PLEKHG4B: variants seen among roughly 807,000 people sequenced by gnomAD.
The protein encoded by PLEKHG4B is pleckstrin homology domain-containing family G member 4B.
In PLEKHG4B, 111 loss-of-function variants were observed where a neutral mutation model predicts 121.3. The observed-to-expected ratio is 0.92, with a 90% confidence interval of 0.78 to 1.07. The LOEUF (loss-of-function observed/expected upper bound fraction) is 1.07. PLEKHG4B is among the 50% of genes least tolerant of loss of function. PLEKHG4B has a pLI of 0.00. For missense variants in PLEKHG4B, 1,831 were observed against 1,757.8 expected, an observed-to-expected ratio of 1.04 and a Z score of -0.74; for synonymous variants, 738 against 725.0, an observed-to-expected ratio of 1.02 and a Z score of -0.29.
chr5:147,715 G>A (rs1437986229), intron 6 of PLEKHG4B, among the ~76,000 whole-genome samples: 1 of 152,138 alleles, frequency 6.6e-6, no homozygotes, highest in African/African-American at 2.4e-5. Flanking sequence ...AATTCATGTA[G>A]GAAATGCATC....
intron 1 of PLEKHG4B, among the ~76,000 whole-genome samples, chr5:106,896 A>G (rs1733989934): frequency 6.6e-6 from 1 of 152,128 alleles, no homozygotes; most frequent in Non-Finnish European, 1.5e-5. Context: ...GTTCTCGTGT[A>G]TGTACGTGTG....
intron 2 of PLEKHG4B, among the ~76,000 whole-genome samples, chr5:126,308 C>T (rs1355955337): frequency 6.6e-6 from 1 of 152,126 alleles, no homozygotes; most frequent in African/African-American, 2.4e-5. Flanking sequence ...CACCTTTGAA[C>T]CCCTTTAGTG....
intron 1 of PLEKHG4B, among the ~76,000 whole-genome samples, chr5:109,537 G>A (rs1734076497): frequency 6.6e-6 from 1 of 152,290 alleles, no homozygotes; most frequent in South Asian, 2.1e-4. Flanking sequence ...GTGCCAGAGG[G>A]ACACGCTAAC....
rs1189507806 is a variant in PLEKHG4B, at chr5:113,800, A to G, written c.243+352A>G. Among the ~76,000 whole-genome samples the G allele has an allele frequency of 6.6e-6, 1 of 152,046 alleles. No homozygotes were observed. Among genetic ancestry groups the G allele is most frequent in the Non-Finnish European group, 1.5e-5 (1 of 68,016 alleles). On this transcript the variant is annotated intron_variant, in intron 2 of 19. Coordinates refer to ENST00000637938, the MANE Select transcript of PLEKHG4B (RefSeq NM_052909.5). The surrounding 1 kb of genome is among the most constrained non-coding windows in gnomAD (Gnocchi z 5.2). The stretch of plus-strand genomic sequence containing the variant: ...CCACCTGGAAGGGACTGTACTGAGC[A>G]CTTCAGAGCTAAGTTACTGCAGCAG...
intron 1 of PLEKHG4B, among the ~76,000 whole-genome samples, chr5:98,390 T>C (rs1733689061): frequency 6.6e-6 from 1 of 150,562 alleles, no homozygotes; most frequent in African/African-American, 2.5e-5. Flanking sequence ...TCAATGTCAA[T>C]TCTTCTTTTG....
chr5:171,508 G>A, intron 16 of PLEKHG4B, 64 bp downstream of exon 16: 1 of 1,426,048 alleles, frequency 7.0e-7, no homozygotes, highest in Non-Finnish European at 9.5e-7. Flanking sequence ...TGGTGAGAAA[G>A]TCTTGGCCCC....
chr5:144,554 G>T (rs186131883), intron 5 of PLEKHG4B, among the ~76,000 whole-genome samples: 15 of 152,318 alleles, frequency 9.8e-5, no homozygotes, highest in African/African-American at 3.6e-4. Context: ...CCATCCAGGA[G>T]CATTGGTGGG....
intron 13 of PLEKHG4B, among the ~76,000 whole-genome samples, chr5:165,088 G>A (rs1184124345): frequency 2.0e-4 from 22 of 108,256 alleles, no homozygotes; most frequent in Non-Finnish European, 3.5e-4. Context: ...TGACGGGGCG[G>A]GGCTCACACT....
Position 113,219 on chromosome 5 carries a change from C to CT in PLEKHG4B, c.46-31dup, listed in dbSNP as rs1341670579. 5.0e-6 allele frequency: 2 copies of CT among 399,148 alleles called. No homozygotes were observed. 24.7% of individuals were successfully genotyped at this position (399,148 alleles called of 1,614,324 possible). On this transcript the variant is annotated intron_variant, in intron 1 of 19. Transcript: ENST00000637938. The surrounding 1 kb of genome is among the most constrained non-coding windows in gnomAD (Gnocchi z 5.2). ...TGTGCACCTGTCTTGAGTTATGTCC[C>CT]TAAAGTTTCTGAATTCTCTCTTTCA...
intron 18 of PLEKHG4B, among the ~76,000 whole-genome samples, chr5:176,285 C>T (rs1306067174): frequency 6.6e-6 from 1 of 151,658 alleles, no homozygotes. Flanking sequence ...CACGGTCCTG[C>T]TTCCTGTTTG....
In PLEKHG4B at chr5:113,535, AG is replaced by A. The variant is rs1293997476; in HGVS notation, c.243+90del. 2.5e-6 allele frequency: 1 copy of A among 398,440 alleles called. No individual in the cohort carries two copies. The allele number at this position is 398,440 out of a possible 1,614,324, so 24.7% of individuals were successfully genotyped here. A position where few individuals can be genotyped will look rare whatever the true frequency, so the allele number is the denominator to read the frequency against. On this transcript the variant is annotated intron_variant, in intron 2 of 19. Transcript: ENST00000637938. The surrounding 1 kb of genome is among the most constrained non-coding windows in gnomAD (Gnocchi z 5.2). ...GGGCAGGGCAGGAATTGGGCCCATCAGGGCACTGGCTCAGTTCTTTCCTCTG... is the reference window on the plus strand; with the variant it reads ...GGGCAGGGCAGGAATTGGGCCCATCAGGCACTGGCTCAGTTCTTTCCTCTG...
intron 18 of PLEKHG4B, among the ~76,000 whole-genome samples, chr5:179,924 A>C (rs1426481473): frequency 6.6e-6 from 1 of 151,898 alleles, no homozygotes; most frequent in East Asian, 1.9e-4. Flanking sequence ...TTTGTGTTTG[A>C]TTCCTTTTAT....
At chr5:102,361 A>G (rs1733847154) in intron 1 of PLEKHG4B, among the ~76,000 whole-genome samples, 1 of 152,072 alleles carries the variant, frequency 6.6e-6, no homozygotes, top group Non-Finnish European at 1.5e-5. Context: ...AAGTACTGCT[A>G]CCAAAACCAG....
At chr5:167,609 G>C (rs928510054) in intron 13 of PLEKHG4B, among the ~76,000 whole-genome samples, 4 of 152,192 alleles carry the variant, frequency 2.6e-5, no homozygotes, top group African/African-American at 7.2e-5. Flanking sequence ...AAAGTGCAGT[G>C]GATGGTGCTG....
intron 1 of PLEKHG4B, among the ~76,000 whole-genome samples, chr5:100,450 G>A (rs1733772859): frequency 8.5e-6 from 1 of 116,964 alleles, no homozygotes; most frequent in South Asian, 3.2e-4. Flanking sequence ...CCTGGAAAAA[G>A]CCTGTAGGGG....
At chr5:143,720 A>T (rs1384085531) in intron 5 of PLEKHG4B, among the ~76,000 whole-genome samples, 1 of 152,196 alleles carries the variant, frequency 6.6e-6, no homozygotes, top group African/African-American at 2.4e-5. Flanking sequence ...TGACACCCAC[A>T]ATTAAACACA....
rs113399108 is a variant in PLEKHG4B, at chr5:161,808, T to C, written c.2513T>C (p.Leu838Pro). Residue 838 changes from leucine (L) to proline (P), a missense_variant, in exon 12 of 20, where the codon CTG becomes CCG. Leu to Pro is a moderately conservative substitution (Grantham distance 98). Coordinates refer to ENST00000637938, the MANE Select transcript of PLEKHG4B (RefSeq NM_052909.5). ...DQQSCQKGLQLAKENPQRTEE... is the reference protein window; with the variant it reads ...DQQSCQKGLQPAKENPQRTEE... ...CAATCCTGCCAGAAAGGACTACAGCTGGCGAAGGAGAACCCGCAACGTACA... is the reference window on the plus strand; with the variant it reads ...CAATCCTGCCAGAAAGGACTACAGCCGGCGAAGGAGAACCCGCAACGTACA... The C allele has an allele frequency of 2.9e-3, 4,611 of 1,613,800 alleles. 57 individuals are homozygous for C. In the African/African-American group the frequency reaches 0.037, roughly 13 times the overall value.
At chr5:173,737 G>C (rs778723021) in intron 17 of PLEKHG4B, among the ~76,000 whole-genome samples, 181 bp from the exon 18 acceptor site, 2 of 152,018 alleles carry the variant, frequency 1.3e-5, no homozygotes, top group African/African-American at 4.8e-5. Flanking sequence ...ACTCTCCCTG[G>C]CACGGTCACA....
At chr5:151,685 T>A in intron 7 of PLEKHG4B, 86 bp downstream of exon 7, 1 of 900,098 alleles carries the variant, frequency 1.1e-6, no homozygotes, top group Non-Finnish European at 1.7e-6. Context: ...TGAAGGAATT[T>A]AGATAAGTTC....
Sources: gnomAD v4.1 joint callset for allele counts (sites outside exome capture counted in the v4.1 genomes callset) on GRCh38, gnomAD v4.1.1 for gene constraint, Gnocchi (gnomAD v3.1) non-coding constraint, MANE v1.5 for transcripts, NCBI Gene and HGNC (gene_info 2026-07-23, HGNC 2026-07-21) for gene names.